USP46: variants seen among roughly 807,000 people sequenced by gnomAD.
USP46 encodes ubiquitin specific peptidase 46.
In USP46, 12 loss-of-function variants were observed where a neutral mutation model predicts 44.4. The ratio of observed to expected loss-of-function variants is 0.27; its 90% CI spans 0.17 to 0.44. The LOEUF (loss-of-function observed/expected upper bound fraction) is 0.44. Among genes scored for constraint, USP46 ranks in the 20% least tolerant of loss-of-function variants. The pLI is 1.00. For synonymous variants in USP46, 155 were observed against 161.5 expected (o/e 0.96, Z 0.31); for missense variants, 248 against 444.8 (o/e 0.56, Z 3.98).
intron 3 of USP46, among the ~76,000 whole-genome samples, 197 bp downstream of exon 3, chr4:52,627,753 G>A (rs1717649241): frequency 6.6e-6 from 1 of 152,206 alleles, no homozygotes; most frequent in Admixed American, 6.5e-5. Context: ...GCGTTTTTAA[G>A]CATGTTTCTA....
intron 1 of USP46, among the ~76,000 whole-genome samples, chr4:52,639,335 A>G (rs897261018): frequency 6.6e-6 from 1 of 152,256 alleles, no homozygotes; most frequent in Non-Finnish European, 1.5e-5. Flanking sequence ...TTTTTCTCTC[A>G]TGTAAGTATG....
At chr4:52,610,670 A>C in intron 4 of USP46, 53 bp from the exon 5 acceptor site, 1 of 1,541,462 alleles carries the variant, frequency 6.5e-7, no homozygotes. Flanking sequence ...TAGTAGATAA[A>C]ACTTTGAACA....
At chr4:52,620,943 C>T (rs960626838) in intron 4 of USP46, among the ~76,000 whole-genome samples, 9 of 152,136 alleles carry the variant, frequency 5.9e-5, no homozygotes, top group African/African-American at 9.7e-5. Flanking sequence ...GCAATAAAAA[C>T]GAATAAACTA....
chr4:52,608,250 C>T (rs10027906), intron 5 of USP46, among the ~76,000 whole-genome samples: 1,787 of 152,350 alleles, frequency 0.012, 27 homozygotes, highest in East Asian at 0.049. Flanking sequence ...TTTGTAAACA[C>T]AGCTATCGTG....
chr4:52,603,616 G>C (rs777349860), intron 6 of USP46, among the ~76,000 whole-genome samples: 6 of 152,172 alleles, frequency 3.9e-5, no homozygotes, highest in Non-Finnish European at 7.4e-5. Context: ...GATTTTCCAA[G>C]AACTGTAACT....
chr4:52,608,105 G>A (rs1716768882), intron 5 of USP46, among the ~76,000 whole-genome samples: 1 of 152,136 alleles, frequency 6.6e-6, no homozygotes, highest in Non-Finnish European at 1.5e-5. Flanking sequence ...GAGAGAAAGA[G>A]AAGAAAACAC....
intron 1 of USP46, among the ~76,000 whole-genome samples, chr4:52,653,563 C>T (rs1364524285): frequency 1.3e-5 from 2 of 149,922 alleles, no homozygotes; most frequent in Non-Finnish European, 3.0e-5. Flanking sequence ...TCTTAAAGAC[C>T]ACCAAGGCCT....
intron 1 of USP46, among the ~76,000 whole-genome samples, chr4:52,642,007 T>C (rs1560410431): frequency 6.6e-6 from 1 of 152,180 alleles, no homozygotes; most frequent in Non-Finnish European, 1.5e-5. Context: ...ACTTTCAAAG[T>C]ACAAAGCACA....
chr4:52,607,647 C>T (rs1443350314), intron 5 of USP46, among the ~76,000 whole-genome samples: 3 of 152,120 alleles, frequency 2.0e-5, no homozygotes, highest in Non-Finnish European at 4.4e-5. Flanking sequence ...AACTGGATCA[C>T]GGGGGCAGAA....
rs1411911538 is a variant in USP46, at chr4:52,592,982, C to T, written c.*4658G>A. The T allele has an allele frequency of 5.0e-6, 2 of 398,434 alleles. No individual in the cohort carries two copies. The highest frequency in any genetic ancestry group is 3.6e-5 in the East Asian group (1 of 28,072). 24.7% of individuals were successfully genotyped at this position (398,434 alleles called of 1,614,324 possible). ...GCCTCCCCCAGAACAGAAGCCTGTA[C>T]AGCCCATAAAACCATGAGCCAATTA... is the stretch of plus-strand genomic sequence containing the variant. On this transcript the variant is annotated 3_prime_UTR_variant, in exon 9 of 9. Transcript: ENST00000441222.
chr4:52,628,303 A>G, intron 2 of USP46, 140 bp from the exon 3 acceptor site: 1 of 726,524 alleles, frequency 1.4e-6, no homozygotes, highest in Non-Finnish European at 2.2e-6. Flanking sequence ...ACCATATTAG[A>G]AAACTAGTTA....
intron 1 of USP46, chr4:52,656,657 G>A (rs1718964020): frequency 2.1e-6 from 2 of 934,810 alleles, no homozygotes; most frequent in South Asian, 4.0e-5. Flanking sequence ...CTGTGCCCGA[G>A]TAATACAACA....
intron 1 of USP46, chr4:52,656,265 A>C (rs778623126): frequency 6.5e-7 from 1 of 1,549,944 alleles, no homozygotes. Context: ...AGAGGAGCTA[A>C]GCAGTGAGAA....
chr4:52,633,002 GAAAGAAAGAAA>G (rs1717969782), intron 1 of USP46, among the ~76,000 whole-genome samples: 1 of 117,026 alleles, frequency 8.5e-6, no homozygotes, highest in African/African-American at 3.8e-5. Flanking sequence ...AAGAAAGAAA[GAAAGAAAGAAA>G]GAAAGAAAGA....
rs561720519 is a variant in USP46, at chr4:52,591,234, G to C, written c.*6406C>G. 1.3e-5 allele frequency: 2 copies of C among 152,190 alleles called. No homozygotes were observed. Among genetic ancestry groups the C allele is most frequent in the Non-Finnish European group, 2.9e-5 (2 of 68,020 alleles). 9.4% of individuals were successfully genotyped at this position (152,190 alleles called of 1,614,324 possible). A position where few individuals can be genotyped will look rare whatever the true frequency, so the allele number is the denominator to read the frequency against. ...CCAGCAAGGTCCATTAAGAGAGACC[G>C]AAATATGAATATGGCTGCATTGGAT... On this transcript the variant is annotated 3_prime_UTR_variant, in exon 9 of 9. Transcript: ENST00000441222.
In USP46 at chr4:52,595,468, A is replaced by G. The variant is rs1716191895; in HGVS notation, c.*2172T>C. On this transcript the variant is annotated 3_prime_UTR_variant, in exon 9 of 9. Coordinates refer to ENST00000441222, the MANE Select transcript of USP46 (RefSeq NM_022832.4). ...ACAACTGTTTTAATGTGTTTGCAAT[A>G]TTTTCTTATACTTACCCTTTTTCGT... 1 of 152,392 alleles carries G rather than the reference A, an allele frequency of 6.6e-6. No individual in the cohort carries two copies. The highest frequency in any genetic ancestry group is 1.5e-5 in the Non-Finnish European group (1 of 68,008). The allele number at this position is 152,392 out of a possible 1,614,324, so 9.4% of individuals were successfully genotyped here.
chr4:52,618,315 C>T (rs940748744), intron 4 of USP46, among the ~76,000 whole-genome samples: 1 of 152,064 alleles, frequency 6.6e-6, no homozygotes, highest in Non-Finnish European at 1.5e-5. Context: ...ATGGTGAAAC[C>T]CTGTCTTTAC....
At position 52,591,159 on chromosome 4, in the gene USP46, T is replaced by TAA. The variant is rs1229721137; in HGVS notation, c.*6479_*6480dup. ...TGCAGGAGGTGTGAAGGCTCATTCT[T>TAA]AAAGTTTTCTCACGTTTATTTTCCA... On this transcript the variant is annotated 3_prime_UTR_variant, in exon 9 of 9. Coordinates refer to ENST00000441222, the MANE Select transcript of USP46 (RefSeq NM_022832.4). 18 of 152,212 alleles carry TAA rather than the reference T, an allele frequency of 1.2e-4. No individual in the cohort carries two copies. The highest frequency in any genetic ancestry group is 1.2e-3 in the Admixed American group (18 of 15,278). The allele number at this position is 152,212 out of a possible 1,614,324, so 9.4% of individuals were successfully genotyped here. A position where few individuals can be genotyped will look rare whatever the true frequency, so the allele number is the denominator to read the frequency against.
intron 4 of USP46, among the ~76,000 whole-genome samples, chr4:52,611,223 G>C (rs923899592): frequency 6.6e-6 from 1 of 152,236 alleles, no homozygotes; most frequent in Non-Finnish European, 1.5e-5. Context: ...CAGACCTGGG[G>C]CTGGCCTGCA....
Sources: gnomAD v4.1 joint callset for allele counts (sites outside exome capture counted in the v4.1 genomes callset) on GRCh38, gnomAD v4.1.1 for gene constraint, MANE v1.5 for transcripts, NCBI Gene and HGNC (gene_info 2026-07-23, HGNC 2026-07-21) for gene names.